DAB1: variants seen among roughly 807,000 people sequenced by gnomAD.
The protein encoded by DAB1 is DAB adaptor protein 1, also known as disabled homolog 1.
Under a neutral mutation model 64.6 loss-of-function variants are expected in DAB1, and 15 were observed. That is an observed-to-expected ratio of 0.23 (90% confidence interval 0.16 to 0.36). The LOEUF (loss-of-function observed/expected upper bound fraction) is 0.36. Among genes scored for constraint, DAB1 ranks in the 10% least tolerant of loss-of-function variants. The pLI, the probability that DAB1 is intolerant of heterozygous loss-of-function variation, is 1.00. For synonymous variants in DAB1, 235 were observed against 251.9 expected, an observed-to-expected ratio of 0.93 and a Z score of 0.64; for missense variants, 596 against 706.7, an observed-to-expected ratio of 0.84 and a Z score of 1.78.
chr1:57,573,048 A>G (rs1645211059), intron 7 of DAB1, among the ~76,000 whole-genome samples: 1 of 152,178 alleles, frequency 6.6e-6, no homozygotes, highest in East Asian at 1.9e-4. Flanking sequence ...AGGGACAAAT[A>G]TCCAAACTAT....
chr1:57,142,302 G>A (rs1055395543), intron 3 of DAB1, among the ~76,000 whole-genome samples: 1 of 144,946 alleles, frequency 6.9e-6, no homozygotes, highest in Non-Finnish European at 1.6e-5. Context: ...TGAGTAAGTG[G>A]GCCTTTTTGG....
intron 6 of DAB1, among the ~76,000 whole-genome samples, chr1:57,779,067 A>C (rs1489132542): frequency 6.6e-6 from 1 of 152,154 alleles, no homozygotes. Context: ...TAGGGGAATT[A>C]ATAAATAAAG....
At chr1:58,304,175 T>C (rs1266488848) in intron 4 of DAB1, among the ~76,000 whole-genome samples, 1 of 152,162 alleles carries the variant, frequency 6.6e-6, no homozygotes, top group Non-Finnish European at 1.5e-5. Flanking sequence ...ACTCAGGCAC[T>C]GTTTAGAACA....
chr1:58,442,440 C>A (rs706435), intron 3 of DAB1, among the ~76,000 whole-genome samples: 71,476 of 130,408 alleles, frequency 0.55, 17,024 homozygotes, highest in East Asian at 0.69. Flanking sequence ...TCTGCAAACA[C>A]ACATCCACAC....
chr1:58,283,492 G>T (rs1007738810), intron 4 of DAB1, among the ~76,000 whole-genome samples: 1 of 152,012 alleles, frequency 6.6e-6, no homozygotes, highest in Non-Finnish European at 1.5e-5. Flanking sequence ...CAAGACTTTC[G>T]GTGGCACATT....
chr1:57,219,738 A>G (rs1666712840), intron 2 of DAB1, among the ~76,000 whole-genome samples: 3 of 152,186 alleles, frequency 2.0e-5, no homozygotes, highest in African/African-American at 4.8e-5. Flanking sequence ...GGTAGTCAGC[A>G]AGAAAACAGG....
rs150417003 is a variant in DAB1, at chr1:57,789,880, C to G, written n.551+94119G>C. The stretch of plus-strand genomic sequence containing the variant: ...AGATTTCTTGTCAGGAAAGGATTCT[C>G]AACAAGAAGTTTTGCTGTGACCTGC... On this transcript the variant is annotated intron_variant and non_coding_transcript_variant, in intron 6 of 20. Transcript: ENST00000485760. Among the ~76,000 whole-genome samples, 755 of 152,254 alleles carry G rather than the reference C, an allele frequency of 5.0e-3. 16 individuals carry two copies. Among genetic ancestry groups the G allele is most frequent in the Admixed American group, 9.5e-3 (146 of 15,296 alleles).
At chr1:57,082,688 C>A (rs372311121) in intron 4 of DAB1, among the ~76,000 whole-genome samples, 1 of 152,106 alleles carries the variant, frequency 6.6e-6, no homozygotes. Context: ...TCCCCCTGAT[C>A]CCCCAACAGG....
intron 5 of DAB1, among the ~76,000 whole-genome samples, chr1:58,093,416 G>A (rs1372729211): frequency 1.3e-5 from 2 of 152,140 alleles, no homozygotes; most frequent in African/African-American, 4.8e-5. Flanking sequence ...CAGAGGACGA[G>A]TGAGCCTTAC....
Position 57,332,613 on chromosome 1 carries a change from A to G in DAB1, c.-136-41447T>C, listed in dbSNP as rs560844265. On this transcript the variant is annotated intron_variant, in intron 1 of 14. Coordinates refer to ENST00000371236, the MANE Select transcript of DAB1 (RefSeq NM_001365792.1). ...AGTCTTCCAATGACTCCACTTTTAT[A>G]CAGATAAATGTATCAGGTAAATTAG... Among the ~76,000 whole-genome samples, 5 of 152,260 alleles carry G rather than the reference A, an allele frequency of 3.3e-5. No individual in the cohort carries two copies. The South Asian group carries it at 1.0e-3, about 32-fold the overall frequency.
At chr1:58,514,399 T>A (rs1481924946) in intron 2 of DAB1, among the ~76,000 whole-genome samples, 1 of 152,212 alleles carries the variant, frequency 6.6e-6, no homozygotes, top group African/African-American at 2.4e-5. Flanking sequence ...AGCCTAACTG[T>A]ACCGTTACCT....
intron 3 of DAB1, among the ~76,000 whole-genome samples, chr1:58,433,000 C>T (rs576504421): frequency 1.5e-4 from 23 of 152,318 alleles, no homozygotes; most frequent in Admixed American, 6.5e-4. Flanking sequence ...CTTTGCAAGC[C>T]GACTCATACA....
At chr1:57,959,542 G>A (rs1432841656) in intron 5 of DAB1, among the ~76,000 whole-genome samples, 1 of 152,186 alleles carries the variant, frequency 6.6e-6, no homozygotes, top group African/African-American at 2.4e-5. Flanking sequence ...GGAGAGGGAT[G>A]TAAATTGGTA....
At chr1:58,210,632 T>G (rs1421076175) in intron 4 of DAB1, among the ~76,000 whole-genome samples, 1 of 152,240 alleles carries the variant, frequency 6.6e-6, no homozygotes, top group African/African-American at 2.4e-5. Context: ...GGCTTTTATT[T>G]GAAAAGCTGT....
chr1:58,437,295 A>G (rs1438650386), intron 3 of DAB1, among the ~76,000 whole-genome samples: 64 of 152,278 alleles, frequency 4.2e-4, no homozygotes, highest in Non-Finnish European at 7.4e-5. Flanking sequence ...GGGTATTCTG[A>G]TACATACAAT....
rs116684557 is a variant in DAB1 at position 57,045,933 on chromosome 1, A to G, written c.723+16951T>C. On this transcript the variant is annotated intron_variant, in intron 9 of 14. Transcript: ENST00000371236. The stretch of plus-strand genomic sequence containing the variant: ...TGAGAGTGAATGTCACCTTAATAGC[A>G]GACCTTCCTTTCGGCATAAGTAGAG... Among the ~76,000 whole-genome samples the G allele has an allele frequency of 8.1e-3, 1,241 of 152,326 alleles. 18 individuals are homozygous for G. Among genetic ancestry groups the G allele is most frequent in the African/African-American group, 0.028 (1,158 of 41,570 alleles).
intron 6 of DAB1, among the ~76,000 whole-genome samples, chr1:57,661,767 G>T (rs1480290001): frequency 1.3e-5 from 2 of 151,966 alleles, no homozygotes; most frequent in Non-Finnish European, 2.9e-5. Context: ...TAGTTATGTT[G>T]TATTTTAAAA....
chr1:57,928,402 T>G (rs935083287), intron 5 of DAB1, among the ~76,000 whole-genome samples: 1 of 152,092 alleles, frequency 6.6e-6, no homozygotes, highest in Non-Finnish European at 1.5e-5. Context: ...TATCAATATC[T>G]CCCACCAGAG....
At chr1:57,278,219 TA>T (rs1433889332) in intron 2 of DAB1, among the ~76,000 whole-genome samples, 1 of 152,220 alleles carries the variant, frequency 6.6e-6, no homozygotes, top group African/African-American at 2.4e-5. Context: ...ACATTGAACA[TA>T]ATCTTAACTT....
Sources: gnomAD v4.1 joint callset for allele counts (sites outside exome capture counted in the v4.1 genomes callset) on GRCh38, gnomAD v4.1.1 for gene constraint, MANE v1.5 for transcripts, NCBI Gene and HGNC (gene_info 2026-07-23, HGNC 2026-07-21) for gene names.